The following LIMCH1 variants were observed in gnomAD, a reference collection of about 807,000 sequenced individuals.
LIMCH1 encodes the protein LIM and calponin homology domains-containing protein 1.
LIMCH1 carries 113 observed loss-of-function variants against 176.5 expected under a neutral mutation model. The observed-to-expected ratio is 0.64, with a 90% CI of 0.55 to 0.75. The LOEUF is 0.75. Ranked by LOEUF, LIMCH1 falls within the 30% of genes least tolerant of loss-of-function variation. The pLI is 0.00. For synonymous variants in LIMCH1, 619 were observed against 645.9 expected (o/e 0.96, Z 0.63); for missense variants, 1,674 against 1,814.9 (o/e 0.92, Z 1.41).
At chr4:41,502,566 CATCTAT>C (rs2073493353) in intron 2 of LIMCH1, among the ~76,000 whole-genome samples, 1 of 152,196 alleles carries the variant, frequency 6.6e-6, no homozygotes, top group African/African-American at 2.4e-5. Context: ...ACCTCACCAG[CATCTAT>C]TGTTTGACTT....
rs2091594441 is a variant in LIMCH1 at position 41,612,814 on chromosome 4, A to G, written c.10-652A>G. On this transcript the variant is annotated intron_variant, in intron 4 of 31. Coordinates refer to ENST00000503057, the MANE Select transcript of LIMCH1 (RefSeq NM_001330672.2). ...GAGCATGCCTGGATTCTTCTGAGGC[A>G]TCAGGAAAAGCGTTTTGCATATTTT... is the stretch of plus-strand genomic sequence containing the variant. 3.6e-6 allele frequency: 4 copies of G among 1,106,324 alleles called. No homozygotes were observed. In the East Asian group the frequency reaches 7.8e-5, roughly 21 times the overall value. The allele number at this position is 1,106,324 out of a possible 1,614,324, so 68.5% of individuals were successfully genotyped here. A position where few individuals can be genotyped will look rare whatever the true frequency, so the allele number is the denominator to read the frequency against.
chr4:41,377,453 G>A (rs1561174613), intron 1 of LIMCH1, among the ~76,000 whole-genome samples: 1 of 152,186 alleles, frequency 6.6e-6, no homozygotes, highest in Non-Finnish European at 1.5e-5. Flanking sequence ...ACAGTGCGAG[G>A]GGAGAGGAGT....
intron 1 of LIMCH1, among the ~76,000 whole-genome samples, chr4:41,473,830 A>G (rs2067336905): frequency 6.6e-6 from 1 of 152,234 alleles, no homozygotes; most frequent in Non-Finnish European, 1.5e-5. Flanking sequence ...AATGTCCAAA[A>G]TATAGAAGGA....
chr4:41,457,749 G>A (rs1330847154), intron 1 of LIMCH1, among the ~76,000 whole-genome samples: 1 of 152,062 alleles, frequency 6.6e-6, no homozygotes, highest in East Asian at 1.9e-4. Flanking sequence ...ATCACATGAT[G>A]CTGCATTTGT....
At chr4:41,680,136 C>T (rs775061360) in intron 24 of LIMCH1, 38 bp downstream of exon 24, 1 of 1,384,620 alleles carries the variant, frequency 7.2e-7, no homozygotes, top group Non-Finnish European at 1.0e-6. Context: ...CCTTGTCATC[C>T]CAATTCCTCA....
chr4:41,593,352 C>A (rs2088028792), intron 1 of LIMCH1, among the ~76,000 whole-genome samples: 1 of 152,150 alleles, frequency 6.6e-6, no homozygotes, highest in Non-Finnish European at 1.5e-5. Flanking sequence ...TTATGTTATG[C>A]CTTTCTGTTG....
At chr4:41,571,743 C>G (rs747442016) in intron 1 of LIMCH1, among the ~76,000 whole-genome samples, 2 of 152,130 alleles carry the variant, frequency 1.3e-5, no homozygotes, top group Non-Finnish European at 2.9e-5. Context: ...TACAGTATCA[C>G]TGCAGGTAAT....
At chr4:41,577,470 C>G (rs1425115665) in intron 1 of LIMCH1, among the ~76,000 whole-genome samples, 1 of 152,204 alleles carries the variant, frequency 6.6e-6, no homozygotes, top group African/African-American at 2.4e-5. Context: ...TGCTCTCTCA[C>G]CCAGGCTGAA....
chr4:41,551,577 A>T (rs1015089872), intron 1 of LIMCH1, among the ~76,000 whole-genome samples: 3 of 152,172 alleles, frequency 2.0e-5, no homozygotes, highest in African/African-American at 7.2e-5. Context: ...AAGGAACTAT[A>T]CCCTGCAGGC....
At chr4:41,523,020 G>A (rs1007061732) in intron 2 of LIMCH1, among the ~76,000 whole-genome samples, 3 of 152,032 alleles carry the variant, frequency 2.0e-5, no homozygotes, top group Admixed American at 6.6e-5. Flanking sequence ...GAAAATTACC[G>A]AGAACAGCCA....
At chr4:41,624,329 G>A (rs909811589) in intron 7 of LIMCH1, among the ~76,000 whole-genome samples, 3 of 152,008 alleles carry the variant, frequency 2.0e-5, no homozygotes, top group Admixed American at 6.6e-5. Flanking sequence ...AAAAACCTCC[G>A]AGGAACAATA....
chr4:41,382,488 G>T (rs1348737883), intron 1 of LIMCH1, among the ~76,000 whole-genome samples: 3 of 152,010 alleles, frequency 2.0e-5, no homozygotes, highest in Admixed American at 2.0e-4. Context: ...TAGGGAGGGG[G>T]AATTGGAAGC....
chr4:41,676,337 G>A (rs753469958), intron 22 of LIMCH1, 45 bp from the exon 23 acceptor site: 1 of 1,522,640 alleles, frequency 6.6e-7, no homozygotes, highest in Non-Finnish European at 9.1e-7. Flanking sequence ...CCTGTCCCTT[G>A]AGGACATGGC....
chr4:41,664,945 A>T lies in LIMCH1; in HGVS notation c.3292-1616A>T, dbSNP rs185804142. On this transcript the variant is annotated intron_variant, in intron 20 of 31. Coordinates refer to ENST00000503057, the MANE Select transcript of LIMCH1 (RefSeq NM_001330672.2). ...GGATTACCAAGTTATTCTTGGTATC[A>T]TGTGGTGCCAAATATATATATAGCC... is the stretch of plus-strand genomic sequence containing the variant. Among the ~76,000 whole-genome samples, 195 of 152,322 alleles carry T rather than the reference A, an allele frequency of 1.3e-3. 1 individual carries two copies. The highest frequency in any genetic ancestry group is 4.4e-3 in the African/African-American group (183 of 41,586).
At chr4:41,528,862 C>G (rs1284539181) in intron 3 of LIMCH1, among the ~76,000 whole-genome samples, 1 of 152,158 alleles carries the variant, frequency 6.6e-6, no homozygotes, top group African/African-American at 2.4e-5. Context: ...TATTTTAGCC[C>G]CTGAGTTAAG....
At chr4:41,626,026 A>G (rs1416866632) in intron 7 of LIMCH1, among the ~76,000 whole-genome samples, 1 of 152,182 alleles carries the variant, frequency 6.6e-6, no homozygotes, top group Non-Finnish European at 1.5e-5. Context: ...CTTAAAAAAA[A>G]GAAAAAGAAG....
intron 3 of LIMCH1, chr4:41,524,534 G>T (rs1289159232): frequency 8.0e-7 from 1 of 1,254,846 alleles, no homozygotes; most frequent in African/African-American, 1.5e-5. Context: ...TAACCTAGGG[G>T]TCATGACAGC....
At chr4:41,361,222 G>A (rs1165618960) in intron 1 of LIMCH1, among the ~76,000 whole-genome samples, 1 of 152,246 alleles carries the variant, frequency 6.6e-6, no homozygotes, top group Non-Finnish European at 1.5e-5. Flanking sequence ...CGCTGGCCTC[G>A]CAAATCTCAG....
intron 20 of LIMCH1, 67 bp downstream of exon 20, chr4:41,663,051 T>G: frequency 1.4e-6 from 2 of 1,411,416 alleles, no homozygotes; most frequent in Non-Finnish European, 2.0e-6. Flanking sequence ...TACAGCTAGC[T>G]GCTGCTGTGG....
Sources: allele counts gnomAD v4.1 joint callset (sites outside exome capture counted in the v4.1 genomes callset), GRCh38; gene constraint gnomAD v4.1.1; transcripts MANE v1.5; gene names NCBI Gene and HGNC (gene_info 2026-07-23, HGNC 2026-07-21).